Variants in PARD3B observed in about 807,000 individuals in gnomAD.
PARD3B encodes par-3 family cell polarity regulator beta, also known as partitioning defective 3 homolog B.
Under a neutral mutation model 130.2 loss-of-function variants are expected in PARD3B, and 103 were observed. The ratio of observed to expected loss-of-function variants is 0.79; its 90% CI spans 0.67 to 0.93. The LOEUF (loss-of-function observed/expected upper bound fraction) is 0.93, where lower values mean the gene tolerates loss of function less well. Ranked by LOEUF, PARD3B falls within the 40% of genes least tolerant of loss-of-function variation. The probability of loss-of-function intolerance (pLI) is 0.00; values close to 1 mark genes in which losing one functional copy is unlikely to be tolerated. For missense variants in PARD3B, 1,609 were observed against 1,499.2 expected (o/e 1.07, Z -1.21); for synonymous variants, 583 against 553.2 (o/e 1.05, Z -0.76).
chr2:205,267,423 A>G (rs574837206), intron 16 of PARD3B, among the ~76,000 whole-genome samples: 76 of 142,402 alleles, frequency 5.3e-4, no homozygotes, highest in African/African-American at 1.9e-3. Flanking sequence ...GAAGGTGCCA[A>G]ATTGTGTGAC....
At chr2:204,596,708 C>T (rs892253439) in intron 1 of PARD3B, among the ~76,000 whole-genome samples, 7 of 152,250 alleles carry the variant, frequency 4.6e-5, no homozygotes, top group South Asian at 2.1e-4. Context: ...GCAGGTGGAT[C>T]GCCTGAGGTT....
chr2:204,631,029 T>C (rs1415565435), intron 1 of PARD3B, among the ~76,000 whole-genome samples: 1 of 152,170 alleles, frequency 6.6e-6, no homozygotes, highest in East Asian at 1.9e-4. Flanking sequence ...TCTGGTTCTT[T>C]TAGTTGTGAT....
intron 3 of PARD3B, among the ~76,000 whole-genome samples, chr2:204,970,656 T>G (rs1008917365): frequency 1.3e-5 from 2 of 152,342 alleles, no homozygotes; most frequent in South Asian, 2.1e-4. Context: ...TGATTGAAAT[T>G]TGCTAATTTG....
chr2:205,195,265 G>A (rs907808625), intron 15 of PARD3B, among the ~76,000 whole-genome samples: 1 of 151,990 alleles, frequency 6.6e-6, no homozygotes, highest in South Asian at 2.1e-4. Flanking sequence ...TACAAAATTG[G>A]TCAGGTTACG....
At chr2:204,765,020 A>T (rs1262893720) in intron 2 of PARD3B, among the ~76,000 whole-genome samples, 1 of 152,178 alleles carries the variant, frequency 6.6e-6, no homozygotes, top group African/African-American at 2.4e-5. Flanking sequence ...TGGATCATTT[A>T]ACTCTTAGAG....
rs1220128375 is a variant in PARD3B, at chr2:205,405,435, A to G, written c.2741+4312A>G. On this transcript the variant is annotated intron_variant, in intron 19 of 22. Transcript: ENST00000406610. The surrounding 1 kb of genome is among the most constrained non-coding windows in gnomAD (Gnocchi z 4.1). ...CCTTTTATAATCTCCAGGCTTCACA[A>G]AGAGCAAGGTACTCTCCTAGACATC... Among the ~76,000 whole-genome samples the G allele has an allele frequency of 6.6e-6, 1 of 152,200 alleles. No homozygotes were observed. Among genetic ancestry groups the G allele is most frequent in the Non-Finnish European group, 1.5e-5 (1 of 68,038 alleles).
intron 2 of PARD3B, among the ~76,000 whole-genome samples, chr2:204,809,641 T>TA (rs772198532): frequency 6.6e-6 from 1 of 152,210 alleles, no homozygotes; most frequent in Non-Finnish European, 1.5e-5. Flanking sequence ...TTGGTTATTG[T>TA]AGCCCCATAG....
At chr2:204,813,072 T>C (rs1482406862) in intron 2 of PARD3B, among the ~76,000 whole-genome samples, 2 of 152,206 alleles carry the variant, frequency 1.3e-5, no homozygotes, top group African/African-American at 2.4e-5. Flanking sequence ...TTTCTCTTTG[T>C]AAATATCTAG....
chr2:204,703,867 A>G (rs2038011043), intron 2 of PARD3B, among the ~76,000 whole-genome samples: 1 of 152,160 alleles, frequency 6.6e-6, no homozygotes, highest in Non-Finnish European at 1.5e-5. Flanking sequence ...AATGTAGGGC[A>G]CATTTCTATA....
chr2:205,445,407 G>A (rs1575043015), intron 20 of PARD3B, among the ~76,000 whole-genome samples: 1 of 152,152 alleles, frequency 6.6e-6, no homozygotes, highest in Admixed American at 6.5e-5. Context: ...GCATGATGCT[G>A]GCATCAGCTC....
intron 2 of PARD3B, among the ~76,000 whole-genome samples, chr2:204,893,062 G>A (rs1209242866): frequency 6.6e-6 from 1 of 152,172 alleles, no homozygotes; most frequent in Non-Finnish European, 1.5e-5. Context: ...CTGTGACTTA[G>A]CCCAGGACAT....
intron 16 of PARD3B, among the ~76,000 whole-genome samples, chr2:205,262,592 A>C (rs2040356670): frequency 6.6e-6 from 1 of 152,100 alleles, no homozygotes; most frequent in Admixed American, 6.6e-5. Context: ...AGAAAGGGGA[A>C]GCACCTTTTC....
intron 3 of PARD3B, among the ~76,000 whole-genome samples, chr2:204,990,155 A>ATTTTAATG (rs924808074): frequency 6.6e-6 from 1 of 152,032 alleles, no homozygotes; most frequent in Non-Finnish European, 1.5e-5. Context: ...GCTCAAGCAT[A>ATTTTAATG]TTTTAATGTA....
intron 1 of PARD3B, among the ~76,000 whole-genome samples, chr2:204,633,580 G>A (rs929380239): frequency 2.0e-5 from 3 of 152,118 alleles, no homozygotes; most frequent in Admixed American, 6.5e-5. Flanking sequence ...TTGGGAGGCC[G>A]AGGCAGGTGG....
intron 15 of PARD3B, among the ~76,000 whole-genome samples, chr2:205,193,630 T>A (rs898742239): frequency 2.0e-5 from 3 of 152,240 alleles, no homozygotes; most frequent in Non-Finnish European, 4.4e-5. Flanking sequence ...CTCATCCATC[T>A]GCCTTTGCAT....
chr2:205,447,910 T>A (rs1402625105), intron 20 of PARD3B, among the ~76,000 whole-genome samples: 1 of 152,212 alleles, frequency 6.6e-6, no homozygotes, highest in Non-Finnish European at 1.5e-5. Context: ...TTACCAGGGA[T>A]CTTGGGTTGA....
chr2:204,960,893 G>T (rs1690691472), intron 2 of PARD3B, among the ~76,000 whole-genome samples: 1 of 152,178 alleles, frequency 6.6e-6, no homozygotes, highest in African/African-American at 2.4e-5. Context: ...GCAATTTAGT[G>T]TAGCCAGAGA....
intron 2 of PARD3B, among the ~76,000 whole-genome samples, chr2:204,926,803 T>A (rs1687656996): frequency 6.6e-6 from 1 of 152,110 alleles, no homozygotes; most frequent in Non-Finnish European, 1.5e-5. Flanking sequence ...CAAGCCAGTT[T>A]TGAAATTATA....
At chr2:205,289,259 G>A (rs969414478) in intron 16 of PARD3B, among the ~76,000 whole-genome samples, 2 of 152,108 alleles carry the variant, frequency 1.3e-5, no homozygotes, top group Non-Finnish European at 2.9e-5. Context: ...TTCAGAGCTA[G>A]TAATGACCCT....
Sources: gnomAD v4.1 joint callset for allele counts (sites outside exome capture counted in the v4.1 genomes callset) on GRCh38, gnomAD v4.1.1 for gene constraint, Gnocchi (gnomAD v3.1) non-coding constraint, MANE v1.5 for transcripts, NCBI Gene and HGNC (gene_info 2026-07-23, HGNC 2026-07-21) for gene names.